MARCHF4: variants seen among roughly 807,000 people sequenced by gnomAD.
The protein encoded by MARCHF4 is membrane associated ring-CH-type finger 4.
Under a neutral mutation model 43.9 loss-of-function variants are expected in MARCHF4, and 14 were observed. The ratio of observed to expected loss-of-function variants is 0.32; its 90% confidence interval spans 0.21 to 0.50. The LOEUF is 0.50. Among genes scored for constraint, MARCHF4 ranks in the 20% least tolerant of loss-of-function variants. The pLI, the probability that MARCHF4 is intolerant of heterozygous loss-of-function variation, is 0.98. For missense variants in MARCHF4, 468 were observed against 536.7 expected (o/e 0.87, Z 1.27); for synonymous variants, 226 against 213.3 (o/e 1.06, Z -0.52).
intron 1 of MARCHF4, among the ~76,000 whole-genome samples, chr2:216,328,578 C>G (rs1482510754): frequency 1.3e-5 from 2 of 152,166 alleles, no homozygotes; most frequent in Non-Finnish European, 2.9e-5. Flanking sequence ...TTGTTCACTT[C>G]TTAGTGAGTG....
At chr2:216,320,674 T>C (rs1291593460) in intron 1 of MARCHF4, among the ~76,000 whole-genome samples, 1 of 95,802 alleles carries the variant, frequency 1.0e-5, no homozygotes, top group Non-Finnish European at 2.0e-5. Context: ...TTTCTTTCTT[T>C]CTTTTTTTTT....
chr2:216,302,344 A>G (rs187160570), intron 1 of MARCHF4, among the ~76,000 whole-genome samples: 7,462 of 150,494 alleles, frequency 0.05, 594 homozygotes, highest in African/African-American at 0.17. Context: ...TCAGCCTCCC[A>G]AGTAGCTGGG....
At chr2:216,290,281 C>T (rs1691288510) in intron 1 of MARCHF4, among the ~76,000 whole-genome samples, 1 of 152,134 alleles carries the variant, frequency 6.6e-6, no homozygotes, top group Admixed American at 6.6e-5. Context: ...AGTAAGGGAG[C>T]AAGCCATACA....
intron 1 of MARCHF4, among the ~76,000 whole-genome samples, chr2:216,360,606 G>T (rs1200655707): frequency 6.6e-6 from 1 of 152,174 alleles, no homozygotes; most frequent in Non-Finnish European, 1.5e-5. Context: ...GTGGAAGCAG[G>T]GAGATGAATA....
At position 216,346,533 on chromosome 2, in the gene MARCHF4, G is replaced by A. The variant is rs560764349; in HGVS notation, c.516+23212C>T. Among the ~76,000 whole-genome samples, 3 of 152,318 alleles carry A rather than the reference G, an allele frequency of 2.0e-5. No individual in the cohort carries two copies. The South Asian group carries it at 6.2e-4, about 32-fold the overall frequency. On this transcript the variant is annotated intron_variant, in intron 1 of 3. Transcript: ENST00000273067. ...GATGATATGCAGTGGAGTGAGCGCT[G>A]TGATCACTGTCTGAGTGTAGGGATC...
At chr2:216,301,579 C>T (rs1691494232) in intron 1 of MARCHF4, among the ~76,000 whole-genome samples, 2 of 152,198 alleles carry the variant, frequency 1.3e-5, no homozygotes, top group African/African-American at 4.8e-5. Flanking sequence ...ATTTATTTCA[C>T]TCAAATAAAT....
At chr2:216,309,181 T>C (rs1018551281) in intron 1 of MARCHF4, among the ~76,000 whole-genome samples, 3 of 152,196 alleles carry the variant, frequency 2.0e-5, no homozygotes, top group African/African-American at 7.2e-5. Context: ...AGACGGTTTC[T>C]GGAAAAACCT....
intron 1 of MARCHF4, chr2:216,321,633 A>G (rs1691896890): frequency 1.3e-5 from 2 of 152,220 alleles, no homozygotes; most frequent in African/African-American, 4.8e-5. Context: ...TGGATCCTTC[A>G]GGTCTCCTTC....
chr2:216,369,182 T>C (rs560577146), intron 1 of MARCHF4, among the ~76,000 whole-genome samples: 23 of 152,308 alleles, frequency 1.5e-4, no homozygotes, highest in Non-Finnish European at 2.5e-4. Context: ...CTAGAATCCC[T>C]CTCCATTTCC....
chr2:216,370,289 G>T lies in MARCHF4; in HGVS notation c.-29C>A, dbSNP rs771503567. 5 of 1,556,896 alleles carry T rather than the reference G, an allele frequency of 3.2e-6. No individual in the cohort carries two copies. The highest frequency in any genetic ancestry group is 1.2e-5 in the South Asian group (1 of 83,050). On this transcript the variant is annotated 5_prime_UTR_variant, in exon 1 of 4. Coordinates refer to ENST00000273067, the MANE Select transcript of MARCHF4 (RefSeq NM_020814.3). ...CCCCGTGGAAGTAGAGAGCCCAAGA[G>T]GGGTGGCTGGAGTCTTAAAAGAGGG...
chr2:216,294,967 C>T (rs1387379198), intron 1 of MARCHF4, among the ~76,000 whole-genome samples: 1 of 152,234 alleles, frequency 6.6e-6, no homozygotes, highest in African/African-American at 2.4e-5. Context: ...CAAACCCCAT[C>T]CACACCATCT....
chr2:216,309,903 T>C (rs1387234454), intron 1 of MARCHF4, among the ~76,000 whole-genome samples: 1 of 152,160 alleles, frequency 6.6e-6, no homozygotes, highest in African/African-American at 2.4e-5. Flanking sequence ...CTAACTGATA[T>C]AGCTCCATTT....
intron 3 of MARCHF4, among the ~76,000 whole-genome samples, chr2:216,260,123 T>C (rs1315555612): frequency 1.3e-5 from 2 of 152,246 alleles, no homozygotes; most frequent in Non-Finnish European, 2.9e-5. Flanking sequence ...TCCCACTGGT[T>C]AACTCTTTGC....
intron 3 of MARCHF4, among the ~76,000 whole-genome samples, chr2:216,273,310 C>G (rs1202242288): frequency 6.6e-6 from 1 of 152,200 alleles, no homozygotes; most frequent in South Asian, 2.1e-4. Context: ...AACAAATTGT[C>G]CTTGGTATCT....
chr2:216,300,303 CATAT>C (rs1209550310), intron 1 of MARCHF4, among the ~76,000 whole-genome samples: 1 of 140,942 alleles, frequency 7.1e-6, no homozygotes, highest in East Asian at 2.0e-4. Context: ...TTCTTAAATG[CATAT>C]ATATATGTGC....
intron 1 of MARCHF4, among the ~76,000 whole-genome samples, chr2:216,315,595 C>T (rs1350222245): frequency 1.3e-4 from 20 of 152,112 alleles, no homozygotes; most frequent in Admixed American, 1.3e-3. Context: ...ATTTTACTGA[C>T]ATGAAAATGC....
intron 1 of MARCHF4, among the ~76,000 whole-genome samples, chr2:216,312,894 C>T (rs964377464): frequency 1.2e-4 from 15 of 124,532 alleles, no homozygotes; most frequent in African/African-American, 4.6e-4. Flanking sequence ...TAACTAAGTC[C>T]CATTTGTCTG....
At chr2:216,326,631 G>A (rs940738447) in intron 1 of MARCHF4, among the ~76,000 whole-genome samples, 2,289 of 152,024 alleles carry the variant, frequency 0.015, 54 homozygotes, top group African/African-American at 0.052. Flanking sequence ...CTATGCAGCC[G>A]TAAAAAATGA....
At chr2:216,333,635 G>T (rs1692114130) in intron 1 of MARCHF4, among the ~76,000 whole-genome samples, 1 of 152,188 alleles carries the variant, frequency 6.6e-6, no homozygotes, top group African/African-American at 2.4e-5. Flanking sequence ...CATAAAATCA[G>T]CTCCTCACTT....
Sources: gnomAD v4.1 joint callset for allele counts (sites outside exome capture counted in the v4.1 genomes callset) on GRCh38, gnomAD v4.1.1 for gene constraint, MANE v1.5 for transcripts, NCBI Gene and HGNC (gene_info 2026-07-23, HGNC 2026-07-21) for gene names.